SNRNP200: variants seen among roughly 807,000 people sequenced by gnomAD.
The protein encoded by SNRNP200 is small nuclear ribonucleoprotein U5 subunit 200.
SNRNP200 carries 66 observed loss-of-function variants against 255.2 expected under a neutral mutation model. The ratio of observed to expected loss-of-function variants is 0.26; its 90% CI spans 0.21 to 0.32. The LOEUF is 0.32. Among genes scored for constraint, SNRNP200 ranks in the 10% least tolerant of loss-of-function variants. The pLI, the probability that SNRNP200 is intolerant of heterozygous loss-of-function variation, is 1.00. For synonymous variants in SNRNP200, 939 were observed against 1,027.8 expected (o/e 0.91, Z 1.65); for missense variants, 1,585 against 2,749.8 (o/e 0.58, Z 9.47).
chr2:96,278,255 T>C lies in SNRNP200; in HGVS notation c.5592A>G (p.Glu1864=). The C allele has an allele frequency of 1.2e-6, 2 of 1,614,180 alleles. No individual in the cohort carries two copies. The highest frequency in any genetic ancestry group is 1.7e-5 in the Admixed American group (1 of 60,018). The part of the protein sequence containing the change: ...EYENIPIRHH[E]DNLLRQLAQK... ...TCCTCACCTGCCTCAGGAGATTGTC[T>C]TCATGGTGCCGGATGGGAATGTTCT... Residue 1864 remains glutamate (E), a synonymous_variant, in exon 39 of 45, where the codon GAA becomes GAG. Coordinates refer to ENST00000323853, the MANE Select transcript of SNRNP200 (RefSeq NM_014014.5). The surrounding 1 kb of genome is among the most constrained non-coding windows in gnomAD (Gnocchi z 6.9).
intron 3 of SNRNP200, among the ~76,000 whole-genome samples, chr2:96,302,581 C>T (rs2063959739): frequency 6.6e-6 from 1 of 152,196 alleles, no homozygotes; most frequent in Non-Finnish European, 1.5e-5. Context: ...TCCGTTCCAA[C>T]ACTAACTACC....
chr2:96,291,814 A>C lies in SNRNP200; in HGVS notation c.2247T>G (p.Gly749=), dbSNP rs950469272. The change falls in exon 17 of 45, where the codon GGT becomes GGG. Residue 749 remains glycine (G), a synonymous_variant. Transcript: ENST00000323853. The surrounding 1 kb of genome is among the most constrained non-coding windows in gnomAD (Gnocchi z 4.2). The stretch of plus-strand genomic sequence containing the variant: ...AGGCTGAGCCCTCCCTCAGAAACAG[A>C]CCCAGAGTGTCCTTTTCTAGGCACA... ...RDMCLEKDTL[G]LFLREGSAST... is the part of the protein sequence containing the mutation. 2.8e-5 allele frequency: 45 copies of C among 1,613,984 alleles called. No homozygotes were observed. Among genetic ancestry groups the C allele is most frequent in the Non-Finnish European group, 3.8e-5 (45 of 1,180,018 alleles).
intron 24 of SNRNP200, 97 bp from the exon 25 acceptor site, chr2:96,288,066 C>A: frequency 9.3e-7 from 1 of 1,071,526 alleles, no homozygotes; most frequent in Non-Finnish European, 1.4e-6. Context: ...AGCTCTGACA[C>A]AACCACCCAC....
intron 14 of SNRNP200, 58 bp downstream of exon 14, chr2:96,295,430 C>A: frequency 2.5e-6 from 4 of 1,603,978 alleles, no homozygotes; most frequent in Non-Finnish European, 3.4e-6. Context: ...GCATGAAAAC[C>A]CAGCAAACCC....
At chr2:96,284,792 C>A (rs1235794650) in intron 30 of SNRNP200, 4 of 584,736 alleles carry the variant, frequency 6.8e-6, no homozygotes, top group Non-Finnish European at 1.2e-5. Flanking sequence ...TCTTGTTGCC[C>A]AGGCTGGAGT....
At position 96,300,990 on chromosome 2, in the gene SNRNP200, T is replaced by A. The variant is rs747506256; in HGVS notation, c.630+8A>T. The A allele has an allele frequency of 6.2e-7, 1 of 1,612,600 alleles. No homozygotes were observed. Among genetic ancestry groups the A allele is most frequent in the Non-Finnish European group, 8.5e-7 (1 of 1,178,666 alleles). On this transcript the variant is annotated splice_region_variant and intron_variant, in intron 5 of 44. Coordinates refer to ENST00000323853, the MANE Select transcript of SNRNP200 (RefSeq NM_014014.5). ...AACAAGAATGGACTGGGTATGTTTATCACTCACCTCCTCATCAGACTCAAA... is the reference window on the plus strand; with the variant it reads ...AACAAGAATGGACTGGGTATGTTTAACACTCACCTCCTCATCAGACTCAAA...
rs775973826 is a variant in SNRNP200 at position 96,298,933 on chromosome 2, T to C, written c.764A>G (p.Lys255Arg). The C allele has an allele frequency of 6.2e-7, 1 of 1,614,212 alleles. No homozygotes were observed. The highest frequency in any genetic ancestry group is 2.2e-5 in the East Asian group (1 of 44,882). Residue 255 changes from lysine to arginine, a missense_variant, in exon 7 of 45, where the codon AAG becomes AGG. This residue lies in a region of SNRNP200 where 383 missense variants were observed against 645.3 expected (regional missense o/e 0.59). Transcript: ENST00000323853. Reference sequence around the variant, plus strand: ...AATATCCCGAGGGTGCAAATCCTTCTTCTTGGAACTCATCAGTTCACCTGA... The same window carrying C: ...AATATCCCGAGGGTGCAAATCCTTCCTCTTGGAACTCATCAGTTCACCTGA... ...VASGELMSSKKKDLHPRDIDA... is the reference protein window; with the variant it reads ...VASGELMSSKRKDLHPRDIDA...
chr2:96,296,376 G>A (rs2063916685), intron 13 of SNRNP200, among the ~76,000 whole-genome samples, 160 bp downstream of exon 13: 1 of 152,216 alleles, frequency 6.6e-6, no homozygotes, highest in Non-Finnish European at 1.5e-5. Flanking sequence ...CCTGGGTTAA[G>A]TTCCATCTTG....
In SNRNP200 at chr2:96,278,881, C is replaced by A; in HGVS notation, c.5251G>T (p.Ala1751Ser). ...VTKTIENKQD[A>S]VDYLTWTFLY... Reference sequence around the variant, plus strand: ...AAGGTCCAGGTGAGGTAGTCCACAGCATCCTGCTTGTTCTCAATGGTCTTG... The same window carrying A: ...AAGGTCCAGGTGAGGTAGTCCACAGAATCCTGCTTGTTCTCAATGGTCTTG... The change falls in exon 37 of 45, where the codon GCT becomes TCT. Residue 1751 changes from alanine to serine, a missense_variant. Physicochemically the swap from Ala to Ser is moderately conservative, Grantham distance 99. Around this residue, in one of 9 missense-constraint regions of SNRNP200, gnomAD observed 279 missense variants for 551.2 expected, o/e 0.51. Transcript: ENST00000323853. This position sits in a 1 kb window ranked among gnomAD's most constrained non-coding sequence, Gnocchi z 6.9. 1 of 1,614,228 alleles carries A rather than the reference C, an allele frequency of 6.2e-7. No individual in the cohort carries two copies.
chr2:96,300,081 C>A (rs2063943028), intron 5 of SNRNP200, among the ~76,000 whole-genome samples: 1 of 152,166 alleles, frequency 6.6e-6, no homozygotes, highest in Non-Finnish European at 1.5e-5. Context: ...GGCTCCTAGT[C>A]CTCTGACTCT....
intron 5 of SNRNP200, among the ~76,000 whole-genome samples, chr2:96,300,386 G>A (rs1453010677): frequency 6.6e-6 from 1 of 152,230 alleles, no homozygotes. Context: ...GTAAAACATA[G>A]CAGATACATT....
Position 96,278,329 on chromosome 2 carries a change from T to A in SNRNP200, c.5518A>T (p.Thr1840Ser). Residue 1840 changes from threonine (T) to serine (S), a missense_variant, in exon 39 of 45, where the codon ACC becomes TCC. This residue lies in a region of SNRNP200 where 279 missense variants were observed against 551.2 expected (regional missense o/e 0.51). Coordinates refer to ENST00000323853, the MANE Select transcript of SNRNP200 (RefSeq NM_014014.5). The surrounding 1 kb of genome is among the most constrained non-coding windows in gnomAD (Gnocchi z 6.9). ...ATCTCGATAAGCCCTCGCACCTTGG[T>A]CTTGGCATTGAGGGACATGCTGAAG... ...ELFSMSLNAK[T>S]KVRGLIEIIS... 6.2e-7 allele frequency: 1 copy of A among 1,614,142 alleles called. No individual in the cohort carries two copies. The highest frequency in any genetic ancestry group is 8.5e-7 in the Non-Finnish European group (1 of 1,180,012).
intron 14 of SNRNP200, among the ~76,000 whole-genome samples, chr2:96,293,967 A>G (rs1000492627): frequency 7.9e-5 from 12 of 152,122 alleles, no homozygotes. Context: ...TAAAAAGGAG[A>G]TTGTATTCAG....
rs1055964479 is a variant in SNRNP200, at chr2:96,297,510, G to A, written c.1230C>T (p.Asp410=). Residue 410 remains aspartate, a synonymous_variant, in exon 11 of 45, where the codon GAC becomes GAT. Transcript: ENST00000323853. ...CTTGGGTAAAAACCAGGTCCTCCAA[G>A]TCCAGAACCTGCCGTGGAGCCAGTG... The part of the protein sequence containing the change: ...GEALAPRQVL[D]LEDLVFTQGS... 1 of 1,614,112 alleles carries A rather than the reference G, an allele frequency of 6.2e-7. No individual in the cohort carries two copies. The highest frequency in any genetic ancestry group is 8.5e-7 in the Non-Finnish European group (1 of 1,179,990).
At chr2:96,294,851 C>T (rs1372401638) in intron 14 of SNRNP200, among the ~76,000 whole-genome samples, 1 of 152,176 alleles carries the variant, frequency 6.6e-6, no homozygotes, top group African/African-American at 2.4e-5. Context: ...TCAGACATAG[C>T]TTCTTGGCCT....
intron 31 of SNRNP200, 143 bp from the exon 32 acceptor site, chr2:96,284,147 C>G: frequency 1.1e-6 from 1 of 917,928 alleles, no homozygotes; most frequent in South Asian, 1.4e-5. Flanking sequence ...TTGGTTCTAC[C>G]TCCTCCACGG....
rs765123874 is a variant in SNRNP200 at position 96,293,411 on chromosome 2, T to G, written c.1941A>C (p.Arg647=). ...RNIEMTQEDV[R]LIGLSATLPN... Reference sequence around the variant, plus strand: ...GTAGGGTGGCACTGAGACCAATGAGTCGGACATCCTCTTGGGTCATCTCAA... The same window carrying G: ...GTAGGGTGGCACTGAGACCAATGAGGCGGACATCCTCTTGGGTCATCTCAA... Residue 647 remains arginine (R), a synonymous_variant, in exon 15 of 45, where the codon CGA becomes CGC. Transcript: ENST00000323853. 1 of 1,613,774 alleles carries G rather than the reference T, an allele frequency of 6.2e-7. No individual in the cohort carries two copies. The highest frequency in any genetic ancestry group is 1.7e-5 in the Admixed American group (1 of 60,022).
intron 14 of SNRNP200, among the ~76,000 whole-genome samples, chr2:96,294,931 C>T (rs2063907274): frequency 6.6e-6 from 1 of 152,178 alleles, no homozygotes; most frequent in Admixed American, 6.5e-5. Flanking sequence ...ACATGGCAGG[C>T]TAGGCGCAGT....
rs984012955 is a variant in SNRNP200 at position 96,287,736 on chromosome 2, C to A, written c.3365+127G>T. 1.0e-6 allele frequency: 1 copy of A among 963,016 alleles called. No homozygotes were observed. Among genetic ancestry groups the A allele is most frequent in the Non-Finnish European group, 1.7e-6 (1 of 589,094 alleles). 59.7% of individuals were successfully genotyped at this position (963,016 alleles called of 1,614,324 possible). ...GGGCCTTCCCTCTTCTCAATGTGCA[C>A]CAAGGTTCAGGTCATACTTCCGATG... On this transcript the variant is annotated intron_variant, in intron 25 of 44. Transcript: ENST00000323853. This position sits in a 1 kb window ranked among gnomAD's most constrained non-coding sequence, Gnocchi z 5.7.
Sources: allele counts gnomAD v4.1 joint callset (sites outside exome capture counted in the v4.1 genomes callset), GRCh38; gene constraint gnomAD v4.1.1; regional missense constraint gnomAD v4.1.1; non-coding constraint Gnocchi (gnomAD v3.1); transcripts MANE v1.5; gene names NCBI Gene and HGNC (gene_info 2026-07-23, HGNC 2026-07-21).